HS6ST3: variants seen among roughly 807,000 people sequenced by gnomAD.
HS6ST3 encodes heparan sulfate 6-O-sulfotransferase 3, also known as heparan-sulfate 6-O-sulfotransferase 3.
Under a neutral mutation model 36.7 loss-of-function variants are expected in HS6ST3, and 12 were observed. That is an observed-to-expected ratio of 0.33 (90% CI 0.21 to 0.53). HS6ST3 has a LOEUF of 0.53. Ranked by LOEUF, HS6ST3 falls within the 20% of genes least tolerant of loss-of-function variation. The pLI is 0.95. For synonymous variants in HS6ST3, 240 were observed against 257.5 expected (o/e 0.93, Z 0.65); for missense variants, 584 against 640.9 (o/e 0.91, Z 0.96).
chr13:96,224,254 C>A (rs975900617), intron 1 of HS6ST3, among the ~76,000 whole-genome samples: 1 of 152,120 alleles, frequency 6.6e-6, no homozygotes, highest in African/African-American at 2.4e-5. Context: ...GTTAACAGTG[C>A]TGGTTTGGAT....
At chr13:96,768,630 C>A (rs1877180418) in intron 1 of HS6ST3, among the ~76,000 whole-genome samples, 1 of 152,092 alleles carries the variant, frequency 6.6e-6, no homozygotes, top group African/African-American at 2.4e-5. Flanking sequence ...GGAGGAGAAA[C>A]AGACTCTTCA....
rs2056217407 is a variant in HS6ST3, at chr13:96,550,988, AT to A, written c.708-281501del. Among the ~76,000 whole-genome samples the A allele has an allele frequency of 2.0e-5, 3 of 152,324 alleles. No homozygotes were observed. In the South Asian group the frequency reaches 6.2e-4, roughly 32 times the overall value. The stretch of plus-strand genomic sequence containing the variant: ...AAATTATTAACATCAACTTTCAGTT[AT>A]CTTTAGACTTCAAAGGTAGAATTTA... On this transcript the variant is annotated intron_variant, in intron 1 of 1. Coordinates refer to ENST00000376705, the MANE Select transcript of HS6ST3 (RefSeq NM_153456.4).
intron 1 of HS6ST3, among the ~76,000 whole-genome samples, chr13:96,227,565 AT>A (rs1364761145): frequency 6.6e-6 from 1 of 152,214 alleles, no homozygotes; most frequent in Non-Finnish European, 1.5e-5. Context: ...GCTATGGAAA[AT>A]TTAGCTCTTT....
At chr13:96,617,391 T>C (rs545608250) in intron 1 of HS6ST3, among the ~76,000 whole-genome samples, 1 of 152,338 alleles carries the variant, frequency 6.6e-6, no homozygotes, top group East Asian at 1.9e-4. Context: ...TAACTACAGT[T>C]ACTTAATAGT....
chr13:96,091,025 G>A lies in HS6ST3; in HGVS notation c.163G>A (p.Ala55Thr), dbSNP rs772006130. 5 of 1,249,144 alleles carry A rather than the reference G, an allele frequency of 4.0e-6. No homozygotes were observed. The highest frequency in any genetic ancestry group is 1.6e-5 in the African/African-American group (1 of 64,130). 77.4% of individuals were successfully genotyped at this position (1,249,144 alleles called of 1,614,324 possible). A position where few individuals can be genotyped will look rare whatever the true frequency, so the allele number is the denominator to read the frequency against. ...EAGPPAVPGPARRAQAPPEEW... is the reference protein window; with the variant it reads ...EAGPPAVPGPTRRAQAPPEEW... ...CGGCCCGCCCGCCGTCCCGGGTCCC[G>A]CCCGCCGGGCTCAGGCGCCGCCGGA... The change falls in exon 1 of 2, where the codon GCC becomes ACC. Residue 55 changes from alanine (A) to threonine (T), a missense_variant. Physicochemically the swap from Ala to Thr is moderately conservative, Grantham distance 58. This residue lies in a region of HS6ST3 where 217 missense variants were observed against 205.4 expected (regional missense o/e 1.06). Coordinates refer to ENST00000376705, the MANE Select transcript of HS6ST3 (RefSeq NM_153456.4).
chr13:96,139,465 A>G (rs994168945), intron 1 of HS6ST3, among the ~76,000 whole-genome samples: 4 of 148,290 alleles, frequency 2.7e-5, no homozygotes, highest in African/African-American at 7.4e-5. Context: ...ATGGCATTTA[A>G]TGAATTAAGG....
intron 1 of HS6ST3, among the ~76,000 whole-genome samples, chr13:96,358,913 TATCTAGAG>T (rs1373219447): frequency 2.6e-5 from 4 of 151,040 alleles, no homozygotes; most frequent in African/African-American, 9.8e-5. Context: ...TCTATCTATC[TATCTAGAG>T]AGAGATGACA....
At chr13:96,577,680 A>T (rs1468405284) in intron 1 of HS6ST3, among the ~76,000 whole-genome samples, 1 of 152,210 alleles carries the variant, frequency 6.6e-6, no homozygotes, top group Non-Finnish European at 1.5e-5. Flanking sequence ...AACATGGGCG[A>T]AGGACATGAA....
chr13:96,196,500 C>G (rs2054314710), intron 1 of HS6ST3, among the ~76,000 whole-genome samples: 1 of 152,174 alleles, frequency 6.6e-6, no homozygotes, highest in African/African-American at 2.4e-5. Flanking sequence ...ATTGAGTCTT[C>G]TTTTGGACAG....
intron 1 of HS6ST3, among the ~76,000 whole-genome samples, chr13:96,475,315 G>C (rs939273209): frequency 5.3e-5 from 8 of 152,096 alleles, no homozygotes; most frequent in Non-Finnish European, 1.2e-4. Context: ...TGCTCCTGTA[G>C]CTCTGGGCAC....
chr13:96,317,354 A>AAAAT (rs1226280767), intron 1 of HS6ST3, among the ~76,000 whole-genome samples: 3 of 34,398 alleles, frequency 8.7e-5, no homozygotes, highest in African/African-American at 2.1e-4. Flanking sequence ...ATATATATAT[A>AAAAT]TATATATATA....
chr13:96,327,911 G>T (rs910857770), intron 1 of HS6ST3, among the ~76,000 whole-genome samples: 14 of 141,594 alleles, frequency 9.9e-5, no homozygotes, highest in South Asian at 2.4e-4. Flanking sequence ...TTGTAAGTTG[G>T]ATTCCTAGGT....
At chr13:96,381,349 T>C (rs2055339531) in intron 1 of HS6ST3, among the ~76,000 whole-genome samples, 2 of 152,020 alleles carry the variant, frequency 1.3e-5, no homozygotes, top group African/African-American at 2.4e-5. Flanking sequence ...TATACATATA[T>C]ATATGTGTGT....
rs150010387 is a variant in HS6ST3 at position 96,608,572 on chromosome 13, G to A, written c.708-223918G>A. Among the ~76,000 whole-genome samples, 919 of 152,300 alleles carry A rather than the reference G, an allele frequency of 6.0e-3. 9 individuals are homozygous for A. The highest frequency in any genetic ancestry group is 0.021 in the African/African-American group (872 of 41,562). On this transcript the variant is annotated intron_variant, in intron 1 of 1. Coordinates refer to ENST00000376705, the MANE Select transcript of HS6ST3 (RefSeq NM_153456.4). Reference sequence around the variant, plus strand: ...AAAAGGATGTGTTCTGTAAAATCCGGATTCTGGAAAACTCTATAGGTCAAA... The same window carrying A: ...AAAAGGATGTGTTCTGTAAAATCCGAATTCTGGAAAACTCTATAGGTCAAA...
intron 1 of HS6ST3, among the ~76,000 whole-genome samples, chr13:96,384,845 G>A (rs879435078): frequency 2.6e-5 from 4 of 152,226 alleles, no homozygotes; most frequent in Middle Eastern, 3.4e-3. Context: ...ATAAAGTGTT[G>A]AGGACTTGCT....
chr13:96,573,840 G>T (rs2056310202), intron 1 of HS6ST3: 4 of 424,682 alleles, frequency 9.4e-6, no homozygotes, highest in Non-Finnish European at 1.4e-5. Context: ...ACCTGGAAGT[G>T]CTCCCATCAC....
At chr13:96,417,590 ATGTGTGTGTG>A (rs148288275) in intron 1 of HS6ST3, among the ~76,000 whole-genome samples, 8 of 139,976 alleles carry the variant, frequency 5.7e-5, no homozygotes, top group African/African-American at 1.3e-4. Flanking sequence ...GCATATATAT[ATGTGTGTGTG>A]TGTGTGTGTG....
chr13:96,583,415 T>C (rs2056349575), intron 1 of HS6ST3, among the ~76,000 whole-genome samples: 2 of 151,858 alleles, frequency 1.3e-5, no homozygotes, highest in African/African-American at 4.8e-5. Context: ...GGTTTCACCA[T>C]GTTGATCAGG....
At chr13:96,129,753 G>A (rs2053967436) in intron 1 of HS6ST3, among the ~76,000 whole-genome samples, 1 of 152,160 alleles carries the variant, frequency 6.6e-6, no homozygotes. Flanking sequence ...GGTTATTTTA[G>A]GCTGGACCTG....
Sources: gnomAD v4.1 joint callset for allele counts (sites outside exome capture counted in the v4.1 genomes callset) on GRCh38, gnomAD v4.1.1 for gene constraint, gnomAD v4.1.1 regional missense constraint, MANE v1.5 for transcripts, NCBI Gene and HGNC (gene_info 2026-07-23, HGNC 2026-07-21) for gene names.